Variants in IARS1 observed in about 807,000 individuals in gnomAD.
IARS1 encodes isoleucyl-tRNA synthetase 1.
A neutral mutation model predicts 168.2 loss-of-function variants in IARS1; 124 were observed. The ratio of observed to expected loss-of-function variants is 0.74; its 90% CI spans 0.64 to 0.86. The LOEUF (loss-of-function observed/expected upper bound fraction) is 0.86. IARS1 is among the 40% of genes least tolerant of loss of function. The probability of loss-of-function intolerance (pLI) is 0.00; values close to 1 mark genes in which losing one functional copy is unlikely to be tolerated. For missense variants in IARS1, 1,452 were observed against 1,515.8 expected (o/e 0.96, Z 0.70); for synonymous variants, 532 against 529.4 (o/e 1.00, Z -0.07).
chr9:92,218,487 C>T (rs1839125325), intron 33 of IARS1, among the ~76,000 whole-genome samples: 1 of 105,582 alleles, frequency 9.5e-6, no homozygotes, highest in Non-Finnish European at 1.8e-5. Context: ...GTCAAATTGT[C>T]CCTGTTTGCA....
At position 92,229,388 on chromosome 9, in the gene IARS1, C is replaced by CAT. The variant is rs1554724314; in HGVS notation, c.3284-264_3284-263dup. Among the ~76,000 whole-genome samples, 269 of 150,684 alleles carry CAT rather than the reference C, an allele frequency of 1.8e-3. 3 individuals carry two copies. Among genetic ancestry groups the CAT allele is most frequent in the African/African-American group, 6.1e-3 (252 of 41,144 alleles). ...ACACACACACACACACACACACACA[C>CAT]ATCTCCATCCTTGGCATGTGTTTTG... On this transcript the variant is annotated intron_variant, in intron 30 of 33. Coordinates refer to ENST00000443024, the MANE Select transcript of IARS1 (RefSeq NM_002161.6).
At chr9:92,274,249 GA>G (rs1225385007) in intron 10 of IARS1, among the ~76,000 whole-genome samples, 176 bp downstream of exon 10, 2 of 152,136 alleles carry the variant, frequency 1.3e-5, no homozygotes, top group Non-Finnish European at 2.9e-5. Flanking sequence ...ACTCTTTCCA[GA>G]AATCAGCTTA....
chr9:92,215,031 C>T (rs1209609446), intron 33 of IARS1, among the ~76,000 whole-genome samples: 2 of 152,176 alleles, frequency 1.3e-5, no homozygotes, highest in Admixed American at 1.3e-4. Context: ...TGTCTGACAG[C>T]TTTGAAGAGA....
Position 92,223,486 on chromosome 9 carries a change from A to T in IARS1, c.3413T>A (p.Ile1138Lys). 1 of 1,607,784 alleles carries T rather than the reference A, an allele frequency of 6.2e-7. No individual in the cohort carries two copies. Among genetic ancestry groups the T allele is most frequent in the Non-Finnish European group, 8.5e-7 (1 of 1,176,860 alleles). ...ACTCAGTAAGTCAGTTTGGTTTTGT[A>T]TTTCTAAAAATAACAACAACAATTC... is the stretch of plus-strand genomic sequence containing the variant. ...ELAVFHDETE[I>K]QNQTDLLSLS... Residue 1138 changes from isoleucine (I) to lysine (K), a missense_variant, in exon 32 of 34, where the codon ATA becomes AAA. Ile to Lys is a moderately radical substitution (Grantham distance 102). Transcript: ENST00000443024.
intron 6 of IARS1, among the ~76,000 whole-genome samples, chr9:92,281,220 GC>G (rs1834512217): frequency 6.7e-6 from 1 of 150,024 alleles, no homozygotes; most frequent in African/African-American, 2.5e-5. Context: ...TGCAGCCCCT[GC>G]CTCCTGGGTT....
chr9:92,241,569 T>C (rs1321321145), intron 29 of IARS1, among the ~76,000 whole-genome samples: 1 of 152,168 alleles, frequency 6.6e-6, no homozygotes, highest in Non-Finnish European at 1.5e-5. Flanking sequence ...CTCGCACTCT[T>C]GACCTCAAGC....
chr9:92,223,673 T>C (rs1023481407), intron 31 of IARS1, among the ~76,000 whole-genome samples, 184 bp from the exon 32 acceptor site: 1 of 152,196 alleles, frequency 6.6e-6, no homozygotes, highest in Non-Finnish European at 1.5e-5. Flanking sequence ...TGGTAGGAAA[T>C]CTCAATGTTG....
At chr9:92,214,042 C>T (rs1290967194) in intron 33 of IARS1, among the ~76,000 whole-genome samples, 1 of 151,972 alleles carries the variant, frequency 6.6e-6, no homozygotes, top group Non-Finnish European at 1.5e-5. Flanking sequence ...CCACCTCAGC[C>T]TCCCAAAGTG....
intron 33 of IARS1, among the ~76,000 whole-genome samples, chr9:92,221,212 G>A (rs923438092): frequency 6.6e-6 from 1 of 152,298 alleles, no homozygotes; most frequent in Admixed American, 6.5e-5. Context: ...AAGAGAATAA[G>A]AGGTAGGATA....
In IARS1 at chr9:92,271,073, C is replaced by A; in HGVS notation, c.1117G>T (p.Ala373Ser). ...AAAGTCCTGATGATACTTTTGTCAGCATCCTATTAAAAAAAATTAAAATTT... is the reference window on the plus strand; with the variant it reads ...AAAGTCCTGATGATACTTTTGTCAGAATCCTATTAAAAAAAATTAAAATTT... ...TDFAGQYVKD[A>S]DKSIIRTLKE... is the part of the protein sequence containing the mutation. Residue 373 changes from alanine (A) to serine (S), a missense_variant, in exon 12 of 34, where the codon GCT (alanine) becomes TCT (serine). Transcript: ENST00000443024. 1 of 1,590,620 alleles carries A rather than the reference C, an allele frequency of 6.3e-7. No homozygotes were observed. Among genetic ancestry groups the A allele is most frequent in the South Asian group, 1.1e-5 (1 of 87,100 alleles).
intron 27 of IARS1, among the ~76,000 whole-genome samples, chr9:92,244,450 C>G (rs756936753): frequency 9.2e-5 from 14 of 152,198 alleles, no homozygotes; most frequent in Non-Finnish European, 1.6e-4. Context: ...ACTATGCTGA[C>G]TGGGGATGTC....
chr9:92,285,759 G>A lies in IARS1; in HGVS notation c.560C>T (p.Thr187Ile). 6.2e-7 allele frequency: 1 copy of A among 1,612,626 alleles called. No individual in the cohort carries two copies. Among genetic ancestry groups the A allele is most frequent in the Non-Finnish European group, 8.5e-7 (1 of 1,178,682 alleles). The change falls in exon 6 of 34, where the codon ACT becomes ATT. Residue 187 changes from threonine (T) to isoleucine (I), a missense_variant. Thr to Ile is a moderately conservative substitution (Grantham distance 89, BLOSUM62 -1). Transcript: ENST00000443024. ...GTGTGACTCGAAGTTGGAAAGTGGA[G>A]TGTTACATGCCGTAGAGAAGGGCAT... ...KVMPFSTACN[T>I]PLSNFESHQN...
chr9:92,258,206 T>C (rs763845059), intron 19 of IARS1, among the ~76,000 whole-genome samples: 2 of 152,178 alleles, frequency 1.3e-5, no homozygotes, highest in African/African-American at 2.4e-5. Flanking sequence ...TCTCTAAAAG[T>C]TGCTGACTCT....
Position 92,285,652 on chromosome 9 carries a change from C to T in IARS1, c.597+70G>A, listed in dbSNP as rs539170695. On this transcript the variant is annotated intron_variant, in intron 6 of 33. Coordinates refer to ENST00000443024, the MANE Select transcript of IARS1 (RefSeq NM_002161.6). ...CACTGGGTCTACTTGGGAATACCTA[C>T]TGTGATCATAACTACTCAGCTTCCA... 23 of 922,122 alleles carry T rather than the reference C, an allele frequency of 2.5e-5. 1 individual carries two copies. The highest frequency in any genetic ancestry group is 1.2e-4 in the East Asian group (5 of 41,054). The allele number at this position is 922,122 out of a possible 1,614,324, so 57.1% of individuals were successfully genotyped here. A position where few individuals can be genotyped will look rare whatever the true frequency, so the allele number is the denominator to read the frequency against.
chr9:92,259,576 G>A (rs748392978), intron 18 of IARS1, among the ~76,000 whole-genome samples: 9 of 152,172 alleles, frequency 5.9e-5, no homozygotes, highest in Non-Finnish European at 1.3e-4. Flanking sequence ...GGTCAACAGA[G>A]GTACTGTGTG....
At position 92,245,089 on chromosome 9, in the gene IARS1, C is replaced by A. The variant is rs1324839140; in HGVS notation, c.2792-18G>T. On this transcript the variant is annotated intron_variant, in intron 26 of 33. Coordinates refer to ENST00000443024, the MANE Select transcript of IARS1 (RefSeq NM_002161.6). ...AATGGTCCCTATGGAGAAGCAGCTA[C>A]ACTGTTAATCAGCTTCCCCTCCTCT... 2 of 1,593,226 alleles carry A rather than the reference C, an allele frequency of 1.3e-6. No individual in the cohort carries two copies. The highest frequency in any genetic ancestry group is 3.3e-5 in the Admixed American group (2 of 59,994).
chr9:92,215,556 C>T lies in IARS1; in HGVS notation c.3707-4667G>A, dbSNP rs1362688186. Among the ~76,000 whole-genome samples the T allele has an allele frequency of 2.6e-5, 4 of 151,026 alleles. 1 individual carries two copies. In the South Asian group the frequency reaches 6.3e-4, roughly 24 times the overall value. ...TTAGAAGAATGTATAACTAGAATAA[C>T]CAATACAGAGAAGTGCTTAAAGGAG... On this transcript the variant is annotated intron_variant, in intron 33 of 33. Coordinates refer to ENST00000443024, the MANE Select transcript of IARS1 (RefSeq NM_002161.6).
intron 7 of IARS1, among the ~76,000 whole-genome samples, chr9:92,280,460 T>TA (rs1187140363): frequency 3.3e-5 from 5 of 152,224 alleles, no homozygotes; most frequent in Non-Finnish European, 5.9e-5. Context: ...CGCTGAATCT[T>TA]AGATTCTTCA....
At chr9:92,215,176 C>A (rs531270370) in intron 33 of IARS1, among the ~76,000 whole-genome samples, 1 of 152,192 alleles carries the variant, frequency 6.6e-6, no homozygotes, top group African/African-American at 2.4e-5. Flanking sequence ...ATACCTCACA[C>A]GGCAGGGTAT....
Sources: allele counts gnomAD v4.1 joint callset (sites outside exome capture counted in the v4.1 genomes callset), GRCh38; gene constraint gnomAD v4.1.1; transcripts MANE v1.5; gene names NCBI Gene and HGNC (gene_info 2026-07-23, HGNC 2026-07-21).